The following CCNY variants were observed in gnomAD, a reference collection of about 807,000 sequenced individuals.
CCNY encodes cyclin Y, also known as cyclin-Y.
In CCNY, 19 loss-of-function variants were observed where a neutral mutation model predicts 42.8. That is an observed-to-expected ratio of 0.44 (90% CI 0.31 to 0.65). The LOEUF is 0.65. Ranked by LOEUF, CCNY falls within the 30% of genes least tolerant of loss-of-function variation. The pLI, the probability that CCNY is intolerant of heterozygous loss-of-function variation, is 0.07. For synonymous variants in CCNY, 165 were observed against 162.7 expected (o/e 1.01, Z -0.11); for missense variants, 370 against 437.3 (o/e 0.85, Z 1.37).
chr10:35,251,388 G>C (rs958599862), intron 3 of CCNY, among the ~76,000 whole-genome samples: 1 of 152,232 alleles, frequency 6.6e-6, no homozygotes, highest in Non-Finnish European at 1.5e-5. Flanking sequence ...AAAATTGGCA[G>C]CACAGATGAG....
intron 3 of CCNY, among the ~76,000 whole-genome samples, chr10:35,276,804 C>T (rs1835244883): frequency 6.6e-6 from 1 of 152,232 alleles, no homozygotes; most frequent in Non-Finnish European, 1.5e-5. Flanking sequence ...ATCACTTTGG[C>T]CTTCCAGGCT....
chr10:35,476,236 G>A (rs1839506718), intron 1 of CCNY, among the ~76,000 whole-genome samples: 1 of 152,122 alleles, frequency 6.6e-6, no homozygotes, highest in South Asian at 2.1e-4. Context: ...GAGACAGAAA[G>A]TCAATAAGGA....
At chr10:35,305,725 G>T (rs1206577557) in intron 3 of CCNY, among the ~76,000 whole-genome samples, 3 of 152,130 alleles carry the variant, frequency 2.0e-5, no homozygotes, top group African/African-American at 7.2e-5. Context: ...GATACTTCTG[G>T]GTAGATGTCC....
At chr10:35,257,248 T>TTC (rs528812488) in intron 3 of CCNY, among the ~76,000 whole-genome samples, 1 of 119,720 alleles carries the variant, frequency 8.4e-6, no homozygotes, top group African/African-American at 3.3e-5. Context: ...TCCTCTTTCT[T>TTC]TCTCTCTCTC....
chr10:35,456,397 T>C (rs1173798232), intron 1 of CCNY, among the ~76,000 whole-genome samples: 1 of 152,246 alleles, frequency 6.6e-6, no homozygotes, highest in Admixed American at 6.5e-5. Flanking sequence ...TGAAATGGAT[T>C]GTTTAAACAT....
chr10:35,479,845 G>T (rs1839624999), intron 1 of CCNY, among the ~76,000 whole-genome samples: 1 of 152,046 alleles, frequency 6.6e-6, no homozygotes, highest in Non-Finnish European at 1.5e-5. Flanking sequence ...GGTAAACATT[G>T]GGGATATCAT....
intron 1 of CCNY, among the ~76,000 whole-genome samples, chr10:35,397,760 A>G (rs541816075): frequency 1.3e-5 from 2 of 152,300 alleles, no homozygotes; most frequent in South Asian, 4.1e-4. Flanking sequence ...AAATGGCCCC[A>G]GCTGTGTGTG....
intron 7 of CCNY, among the ~76,000 whole-genome samples, chr10:35,544,445 A>G (rs1564453055): frequency 6.6e-6 from 1 of 152,222 alleles, no homozygotes; most frequent in Non-Finnish European, 1.5e-5. Flanking sequence ...GCCTAGGTTA[A>G]TAGTAGGCCG....
rs1295536521 is a variant in CCNY, at chr10:35,286,104, G to C, written c.-9+35478G>C. On this transcript the variant is annotated intron_variant, in intron 3 of 11. Transcript: ENST00000374706. ...TGGGATTACAGGCGTGAACCACCACGCCTGGCCTGGATTTAGGTTTAACAT... is the reference window on the plus strand; with the variant it reads ...TGGGATTACAGGCGTGAACCACCACCCCTGGCCTGGATTTAGGTTTAACAT... Among the ~76,000 whole-genome samples, 5 of 152,134 alleles carry C rather than the reference G, an allele frequency of 3.3e-5. No individual in the cohort carries two copies. In the East Asian group the frequency reaches 5.8e-4, roughly 18 times the overall value.
chr10:35,344,047 G>A (rs1836245860), intron 1 of CCNY, among the ~76,000 whole-genome samples: 1 of 152,240 alleles, frequency 6.6e-6, no homozygotes, highest in Non-Finnish European at 1.5e-5. Context: ...ATAGCTGGAA[G>A]AAGGGTGAGA....
intron 2 of CCNY, among the ~76,000 whole-genome samples, chr10:35,248,505 G>T (rs571108318): frequency 6.6e-6 from 1 of 152,084 alleles, no homozygotes; most frequent in Non-Finnish European, 1.5e-5. Context: ...AATTAGCTGG[G>T]CATGGTCGTG....
chr10:35,511,534 G>C (rs931225836), intron 3 of CCNY, among the ~76,000 whole-genome samples: 2 of 152,216 alleles, frequency 1.3e-5, no homozygotes, highest in African/African-American at 4.8e-5. Flanking sequence ...CAGCTCAAGG[G>C]AAGGGCTGCA....
intron 2 of CCNY, among the ~76,000 whole-genome samples, chr10:35,490,073 G>T (rs778214246): frequency 6.6e-6 from 1 of 152,164 alleles, no homozygotes; most frequent in Non-Finnish European, 1.5e-5. Flanking sequence ...AAGTCTTCAT[G>T]TTTATACATC....
At chr10:35,505,452 G>GT (rs1248907299) in intron 3 of CCNY, among the ~76,000 whole-genome samples, 1 of 152,042 alleles carries the variant, frequency 6.6e-6, no homozygotes, top group Non-Finnish European at 1.5e-5. Context: ...TCTGGTGATA[G>GT]TTGAGGAAAC....
intron 9 of CCNY, among the ~76,000 whole-genome samples, chr10:35,567,342 A>G (rs1776396258): frequency 6.6e-6 from 1 of 152,222 alleles, no homozygotes; most frequent in African/African-American, 2.4e-5. Flanking sequence ...GCTCCGCCTC[A>G]TATGTTCACC....
intron 3 of CCNY, among the ~76,000 whole-genome samples, chr10:35,275,022 C>T (rs965909034): frequency 2.2e-5 from 3 of 138,868 alleles, no homozygotes; most frequent in Admixed American, 7.3e-5. Flanking sequence ...GGTGGCATTG[C>T]GTTCTAGGTA....
intron 1 of CCNY, among the ~76,000 whole-genome samples, chr10:35,371,214 G>A (rs984910946): frequency 4.6e-5 from 7 of 152,190 alleles, no homozygotes; most frequent in Non-Finnish European, 8.8e-5. Flanking sequence ...CAGAAGCAAC[G>A]TGATACCTGT....
chr10:35,278,475 C>T (rs1308288721), intron 3 of CCNY, among the ~76,000 whole-genome samples: 2 of 152,074 alleles, frequency 1.3e-5, no homozygotes, highest in South Asian at 4.1e-4. Flanking sequence ...GCTCCAAAGT[C>T]CCATCTTAGA....
chr10:35,331,765 T>C (rs1835947063), upstream of CCNY, among the ~76,000 whole-genome samples: 1 of 152,204 alleles, frequency 6.6e-6, no homozygotes, highest in Non-Finnish European at 1.5e-5. Flanking sequence ...TAATTTCATA[T>C]AAATATATTT....
Sources: gnomAD v4.1 joint callset for allele counts (sites outside exome capture counted in the v4.1 genomes callset) on GRCh38, gnomAD v4.1.1 for gene constraint, MANE v1.5 for transcripts, NCBI Gene and HGNC (gene_info 2026-07-23, HGNC 2026-07-21) for gene names.